The following MDGA2 variants were observed in gnomAD, a reference collection of about 807,000 sequenced individuals.
MDGA2 encodes the protein MAM domain containing glycosylphosphatidylinositol anchor 2, also known as MAM domain-containing glycosylphosphatidylinositol anchor protein 2.
MDGA2 carries 40 observed loss-of-function variants against 117.8 expected under a neutral mutation model. The ratio of observed to expected loss-of-function variants is 0.34; its 90% CI spans 0.26 to 0.44. The LOEUF (loss-of-function observed/expected upper bound fraction) is 0.44, where lower values mean the gene tolerates loss of function less well. Ranked by LOEUF, MDGA2 falls within the 20% of genes least tolerant of loss-of-function variation. MDGA2 has a pLI of 1.00. For missense variants in MDGA2, 1,123 were observed against 1,250.6 expected, an observed-to-expected ratio of 0.90 and a Z score of 1.54; for synonymous variants, 452 against 439.0, an observed-to-expected ratio of 1.03 and a Z score of -0.37.
intron 6 of MDGA2, among the ~76,000 whole-genome samples, chr14:47,074,972 T>C (rs1594593262): frequency 6.6e-6 from 1 of 152,174 alleles, no homozygotes; most frequent in Non-Finnish European, 1.5e-5. Flanking sequence ...CTTTAAGGTA[T>C]GTCTGATCTT....
chr14:47,174,252 T>C (rs374832648), intron 3 of MDGA2, among the ~76,000 whole-genome samples: 5 of 152,014 alleles, frequency 3.3e-5, no homozygotes, highest in East Asian at 1.9e-4. Flanking sequence ...GACAGAAAGT[T>C]AACAAGGATA....
intron 2 of MDGA2, among the ~76,000 whole-genome samples, chr14:47,297,643 C>G (rs1889124078): frequency 6.6e-6 from 1 of 152,088 alleles, no homozygotes; most frequent in African/African-American, 2.4e-5. Flanking sequence ...TTCTTTCTTT[C>G]TTACTTCTTC....
intron 9 of MDGA2, among the ~76,000 whole-genome samples, chr14:46,956,367 A>G (rs1473188371): frequency 2.6e-5 from 4 of 152,018 alleles, no homozygotes; most frequent in Admixed American, 1.3e-4. Context: ...TTATAAAAAT[A>G]ACGTAAATAA....
chr14:46,868,743 A>G (rs1364258619), intron 14 of MDGA2, among the ~76,000 whole-genome samples: 2 of 151,992 alleles, frequency 1.3e-5, no homozygotes, highest in African/African-American at 4.8e-5. Context: ...CAACCTCTCC[A>G]GCTGTCTCTA....
At chr14:47,030,957 T>C (rs1888642768) in intron 8 of MDGA2, among the ~76,000 whole-genome samples, 1 of 152,154 alleles carries the variant, frequency 6.6e-6, no homozygotes, top group Admixed American at 6.6e-5. Context: ...TCAAACTATT[T>C]CATTGTAGTG....
intron 1 of MDGA2, among the ~76,000 whole-genome samples, chr14:47,383,072 G>C (rs1250529399): frequency 3.3e-5 from 5 of 152,162 alleles, no homozygotes; most frequent in Admixed American, 3.3e-4. Context: ...GATGATGCTG[G>C]AAACCATTAT....
intron 9 of MDGA2, among the ~76,000 whole-genome samples, chr14:46,926,838 G>A (rs1443863453): frequency 6.6e-6 from 1 of 151,950 alleles, no homozygotes; most frequent in Non-Finnish European, 1.5e-5. Flanking sequence ...CCTTAGGCAG[G>A]AAACTAGTAA....
Position 47,161,775 on chromosome 14 carries a change from C to T in MDGA2, c.596-17501G>A, listed in dbSNP as rs530157626. 1.2e-4 allele frequency among the ~76,000 whole-genome samples: 18 copies of T among 151,838 alleles called. No individual in the cohort carries two copies. The Middle Eastern group carries it at 0.01, about 86-fold the overall frequency. ...TTTTTATTTCTTCTTTTCTCTCCTG[C>T]CAACCTCAACTCTTATATTTTGTTT... On this transcript the variant is annotated intron_variant, in intron 3 of 16. Transcript: ENST00000399232.
At chr14:46,949,718 C>T (rs962103761) in intron 9 of MDGA2, among the ~76,000 whole-genome samples, 1 of 151,966 alleles carries the variant, frequency 6.6e-6, no homozygotes. Flanking sequence ...TAGTATTCCT[C>T]ATATATATAC....
intron 8 of MDGA2, among the ~76,000 whole-genome samples, chr14:46,969,147 CATT>C (rs1886157888): frequency 6.6e-6 from 1 of 152,122 alleles, no homozygotes; most frequent in Non-Finnish European, 1.5e-5. Flanking sequence ...TCCAGTCTAT[CATT>C]GTTGGACATT....
intron 5 of MDGA2, among the ~76,000 whole-genome samples, chr14:47,120,868 TC>T (rs1209420953): frequency 6.6e-6 from 1 of 152,158 alleles, no homozygotes; most frequent in Non-Finnish European, 1.5e-5. Flanking sequence ...AATTAAAAGC[TC>T]CACGTAAACC....
In MDGA2 at chr14:47,357,880, A is replaced by G. The variant is rs145365496; in HGVS notation, c.281-56330T>C. On this transcript the variant is annotated intron_variant, in intron 1 of 16. Transcript: ENST00000399232. Reference sequence around the variant, plus strand: ...ACTCTTCTAACTTTAGGGGGACTCAATGCCCCTGGTCTACATGAAGTAGTT... The same window carrying G: ...ACTCTTCTAACTTTAGGGGGACTCAGTGCCCCTGGTCTACATGAAGTAGTT... Among the ~76,000 whole-genome samples, 441 of 152,292 alleles carry G rather than the reference A, an allele frequency of 2.9e-3. 5 individuals are homozygous for G. The highest frequency in any genetic ancestry group is 0.01 in the African/African-American group (417 of 41,562).
intron 16 of MDGA2, among the ~76,000 whole-genome samples, chr14:46,842,785 C>A (rs12885033): frequency 0.39 from 59,526 of 152,078 alleles, 12,982 homozygotes; most frequent in Non-Finnish European, 0.48. Context: ...TTGAGACATA[C>A]AATCTTATAT....
At chr14:46,864,424 T>C (rs962315677) in intron 14 of MDGA2, among the ~76,000 whole-genome samples, 2 of 151,488 alleles carry the variant, frequency 1.3e-5, no homozygotes, top group East Asian at 1.9e-4. Context: ...CTTTACATTT[T>C]AGTTCCTATA....
At chr14:47,108,786 T>C (rs1358304456) in intron 5 of MDGA2, among the ~76,000 whole-genome samples, 1 of 152,118 alleles carries the variant, frequency 6.6e-6, no homozygotes, top group African/African-American at 2.4e-5. Context: ...ATCTATTCAC[T>C]GAACAATATA....
intron 1 of MDGA2, among the ~76,000 whole-genome samples, chr14:47,367,983 T>A (rs2138384492): frequency 6.6e-6 from 1 of 152,170 alleles, no homozygotes; most frequent in Admixed American, 6.5e-5. Context: ...ACACACTTTC[T>A]AAAAAGAAAG....
At chr14:47,477,957 T>C (rs1483015555) in intron 1 of MDGA2, among the ~76,000 whole-genome samples, 2 of 152,194 alleles carry the variant, frequency 1.3e-5, no homozygotes, top group African/African-American at 4.8e-5. Context: ...AGAACTCAGT[T>C]CAGACCTTCT....
intron 2 of MDGA2, among the ~76,000 whole-genome samples, chr14:47,236,553 T>C (rs1886871939): frequency 6.6e-6 from 1 of 152,170 alleles, no homozygotes; most frequent in Non-Finnish European, 1.5e-5. Context: ...ACAAAAAACC[T>C]GATTTTGCTA....
intron 1 of MDGA2, among the ~76,000 whole-genome samples, chr14:47,586,367 G>A (rs942194289): frequency 6.6e-6 from 1 of 151,828 alleles, no homozygotes; most frequent in Non-Finnish European, 1.5e-5. Context: ...TGTTTCAGTG[G>A]TATCTAAAAC....
Sources: gnomAD v4.1 joint callset for allele counts (sites outside exome capture counted in the v4.1 genomes callset) on GRCh38, gnomAD v4.1.1 for gene constraint, MANE v1.5 for transcripts, NCBI Gene and HGNC (gene_info 2026-07-23, HGNC 2026-07-21) for gene names.